SORBS2: variants seen among roughly 807,000 people sequenced by gnomAD.
SORBS2 encodes sorbin and SH3 domain-containing protein 2.
In SORBS2, 46 loss-of-function variants were observed where a neutral mutation model predicts 97.7. The observed-to-expected ratio is 0.47, with a 90% CI of 0.37 to 0.60. The LOEUF is 0.60. Among genes scored for constraint, SORBS2 ranks in the 20% least tolerant of loss-of-function variants. SORBS2 has a pLI of 0.00. For synonymous variants in SORBS2, 476 were observed against 473.4 expected, an observed-to-expected ratio of 1.01 and a Z score of -0.07; for missense variants, 1,316 against 1,282.3, an observed-to-expected ratio of 1.03 and a Z score of -0.40.
intron 1 of SORBS2, among the ~76,000 whole-genome samples, chr4:185,876,931 T>C (rs55990211): frequency 0.41 from 61,986 of 152,112 alleles, 12,979 homozygotes; most frequent in East Asian, 0.56. Context: ...AATGTGTTGA[T>C]AAGGTTAAAA....
chr4:185,661,792 G>GA (rs563857143), upstream of SORBS2, among the ~76,000 whole-genome samples: 321 of 152,284 alleles, frequency 2.1e-3, 1 homozygote, highest in African/African-American at 7.6e-3. Context: ...TGCCCTAGTG[G>GA]AAAACCTGCA....
At chr4:185,603,054 T>A (rs1175842221) in intron 12 of SORBS2, among the ~76,000 whole-genome samples, 2 of 152,240 alleles carry the variant, frequency 1.3e-5, no homozygotes, top group Admixed American at 1.3e-4. Flanking sequence ...CATTCTCTCA[T>A]GTCATTCTGC....
intron 12 of SORBS2, among the ~76,000 whole-genome samples, chr4:185,597,556 G>T (rs769018062): frequency 2.6e-5 from 4 of 152,144 alleles, no homozygotes; most frequent in Admixed American, 6.5e-5. Context: ...TGGTAATTTC[G>T]ATGTGCACGC....
intron 1 of SORBS2, among the ~76,000 whole-genome samples, chr4:185,836,169 G>A (rs374093623): frequency 1.3e-5 from 2 of 152,076 alleles, no homozygotes; most frequent in African/African-American, 4.8e-5. Flanking sequence ...ATCAAGAACC[G>A]ATTTCTCATT....
chr4:185,653,174 T>C (rs4861673), intron 1 of SORBS2, among the ~76,000 whole-genome samples: 44,169 of 152,180 alleles, frequency 0.29, 7,926 homozygotes, highest in Non-Finnish European at 0.4. Context: ...TGACTCAAAT[T>C]GTATTCTGAT....
chr4:185,767,667 G>A (rs1010283278), intron 2 of SORBS2, among the ~76,000 whole-genome samples: 1 of 151,772 alleles, frequency 6.6e-6, no homozygotes, highest in Non-Finnish European at 1.5e-5. Flanking sequence ...AGATACACAG[G>A]GCAGTACTGA....
chr4:185,627,372 G>T (rs1228534810), intron 5 of SORBS2, among the ~76,000 whole-genome samples: 1 of 152,046 alleles, frequency 6.6e-6, no homozygotes, highest in African/African-American at 2.4e-5. Context: ...ACCTCACCTG[G>T]CTAATTTTTT....
chr4:185,871,327 C>T (rs1327831587), intron 1 of SORBS2, among the ~76,000 whole-genome samples: 1 of 152,066 alleles, frequency 6.6e-6, no homozygotes, highest in Non-Finnish European at 1.5e-5. Context: ...ACAAAGAATC[C>T]TTAGAGCGAA....
At chr4:185,737,734 T>C (rs556132896) in intron 2 of SORBS2, among the ~76,000 whole-genome samples, 4 of 152,158 alleles carry the variant, frequency 2.6e-5, no homozygotes, top group Non-Finnish European at 5.9e-5. Context: ...CCATTGACCA[T>C]GCAAAACCTT....
At chr4:185,657,579 G>A (rs771703320), upstream of SORBS2, 1 of 1,589,526 alleles carries the variant, frequency 6.3e-7, no homozygotes, top group Non-Finnish European at 8.5e-7. Context: ...GCATGCTGGG[G>A]ATATGTGTCT....
chr4:185,625,194 T>G lies in SORBS2; in HGVS notation c.635-700A>C, dbSNP rs552079487. Reference sequence around the variant, plus strand: ...TTTAACCTTTTATTAGGTACAAAATTCTCATAGGAAAACTGAATATAATGC... The same window carrying G: ...TTTAACCTTTTATTAGGTACAAAATGCTCATAGGAAAACTGAATATAATGC... On this transcript the variant is annotated intron_variant, in intron 6 of 14. Coordinates refer to ENST00000418609, the Ensembl canonical transcript of SORBS2. Among the ~76,000 whole-genome samples, 8 of 152,278 alleles carry G rather than the reference T, an allele frequency of 5.3e-5. No homozygotes were observed. In the South Asian group the frequency reaches 1.5e-3, roughly 28 times the overall value.
intron 1 of SORBS2, among the ~76,000 whole-genome samples, chr4:185,936,073 G>T (rs1228991603): frequency 6.6e-6 from 1 of 152,128 alleles, no homozygotes; most frequent in Admixed American, 6.5e-5. Flanking sequence ...TGGACAGGCT[G>T]GTCCTGAACT....
intron 1 of SORBS2, among the ~76,000 whole-genome samples, chr4:185,940,951 G>T (rs1272714894): frequency 6.6e-6 from 1 of 152,110 alleles, no homozygotes; most frequent in Non-Finnish European, 1.5e-5. Context: ...GGTCGTTACT[G>T]GGAGTTGCTA....
chr4:185,856,891 G>C (rs147051758), intron 1 of SORBS2, among the ~76,000 whole-genome samples: 12 of 152,176 alleles, frequency 7.9e-5, no homozygotes, highest in Non-Finnish European at 1.8e-4. Context: ...AAGAGAAAGC[G>C]AGGGAGTACC....
At chr4:185,641,395 C>T (rs2097124359) in intron 4 of SORBS2, among the ~76,000 whole-genome samples, 1 of 152,086 alleles carries the variant, frequency 6.6e-6, no homozygotes, top group South Asian at 2.1e-4. Flanking sequence ...AGTGGCAGAA[C>T]TAGAATTTTC....
chr4:185,596,812 C>T (rs987150627), intron 12 of SORBS2, among the ~76,000 whole-genome samples: 3 of 151,884 alleles, frequency 2.0e-5, no homozygotes, highest in East Asian at 1.9e-4. Flanking sequence ...GGATTACAGG[C>T]GTGAGTCACT....
chr4:185,638,686 A>G (rs533571748), intron 4 of SORBS2, among the ~76,000 whole-genome samples, 191 bp downstream of exon 14: 2 of 134,758 alleles, frequency 1.5e-5, no homozygotes, highest in South Asian at 5.2e-4. Flanking sequence ...AGGGGTGGGA[A>G]GACAGGCGAG....
intron 2 of SORBS2, among the ~76,000 whole-genome samples, chr4:185,727,567 AAAAAG>A (rs1258282984): frequency 1.3e-5 from 2 of 152,224 alleles, no homozygotes; most frequent in Non-Finnish European, 2.9e-5. Context: ...GTTTACATTA[AAAAAG>A]AAAAGCCTGA....
chr4:185,606,539 T>C lies in SORBS2; in HGVS notation c.2796+5241A>G. 1.0e-6 allele frequency: 1 copy of C among 985,218 alleles called. No individual in the cohort carries two copies. Among genetic ancestry groups the C allele is most frequent in the Non-Finnish European group, 1.2e-6 (1 of 829,718 alleles). 61.0% of individuals were successfully genotyped at this position (985,218 alleles called of 1,614,324 possible). A position where few individuals can be genotyped will look rare whatever the true frequency, so the allele number is the denominator to read the frequency against. On this transcript the variant is annotated intron_variant, in intron 12 of 14. Transcript: ENST00000418609. The surrounding 1 kb of genome is among the most constrained non-coding windows in gnomAD (Gnocchi z 4.3). The stretch of plus-strand genomic sequence containing the variant: ...TATGATTAACTCTAATAGCTAATCA[T>C]GGTAAGGCCGGTTAGTTCTTCCATA...
Sources: allele counts gnomAD v4.1 joint callset (sites outside exome capture counted in the v4.1 genomes callset), GRCh38; gene constraint gnomAD v4.1.1; non-coding constraint Gnocchi (gnomAD v3.1); transcripts MANE v1.5; gene names NCBI Gene and HGNC (gene_info 2026-07-23, HGNC 2026-07-21).